VPS13D: variants seen among roughly 807,000 people sequenced by gnomAD.
The protein encoded by VPS13D is intermembrane lipid transfer protein VPS13D.
A neutral mutation model predicts 461.9 loss-of-function variants in VPS13D; 187 were observed. The observed-to-expected ratio is 0.40, with a 90% CI of 0.36 to 0.46. The LOEUF (loss-of-function observed/expected upper bound fraction) is 0.46, where lower values mean the gene tolerates loss of function less well. Ranked by LOEUF, VPS13D falls within the 20% of genes least tolerant of loss-of-function variation. The pLI is 0.60. For missense variants in VPS13D, 4,711 were observed against 5,364.9 expected (o/e 0.88, Z 3.81); for synonymous variants, 1,951 against 1,986.3 (o/e 0.98, Z 0.47).
intron 65 of VPS13D, among the ~76,000 whole-genome samples, chr1:12,420,775 T>C (rs971366246): frequency 3.3e-5 from 5 of 152,178 alleles, no homozygotes; most frequent in African/African-American, 1.2e-4. Context: ...AGATTTGTTT[T>C]TAACATTTAT....
intron 37 of VPS13D, among the ~76,000 whole-genome samples, chr1:12,330,661 A>G (rs1375898264): frequency 6.6e-6 from 1 of 151,842 alleles, no homozygotes; most frequent in Non-Finnish European, 1.5e-5. Context: ...TCTGCCTCCA[A>G]GTTCAAGTGA....
intron 2 of VPS13D, among the ~76,000 whole-genome samples, chr1:12,241,936 T>C (rs1640389202): frequency 6.6e-6 from 1 of 152,134 alleles, no homozygotes. Flanking sequence ...CCCAGGAGCC[T>C]GCATTTCATC....
At chr1:12,346,541 T>C (rs1643680563) in intron 43 of VPS13D, 64 bp from the exon 44 acceptor site, 1 of 1,545,178 alleles carries the variant, frequency 6.5e-7, no homozygotes, top group Admixed American at 1.8e-5. Context: ...TATGTTGTCA[T>C]TGAATTTAAC....
intron 27 of VPS13D, among the ~76,000 whole-genome samples, chr1:12,309,796 G>T (rs1333836267): frequency 3.3e-5 from 5 of 151,318 alleles, no homozygotes; most frequent in Non-Finnish European, 7.4e-5. Context: ...AGAAAAACAG[G>T]TTTATTATTT....
At position 12,416,600 on chromosome 1, in the gene VPS13D, G is replaced by T. The variant is rs1246683797; in HGVS notation, c.12166-60G>T. The T allele has an allele frequency of 6.5e-5, 100 of 1,538,030 alleles. 2 individuals carry two copies. In the South Asian group the frequency reaches 8.6e-4, roughly 13 times the overall value. ...TTCTAAGCTCTTCGCTTGGGACACTGGTATCTGCAAATATAAGTAGATGCT... is the reference window on the plus strand; with the variant it reads ...TTCTAAGCTCTTCGCTTGGGACACTTGTATCTGCAAATATAAGTAGATGCT... On this transcript the variant is annotated intron_variant, in intron 64 of 69. Coordinates refer to ENST00000620676, the MANE Select transcript of VPS13D (RefSeq NM_015378.4).
chr1:12,469,708 A>T (rs960581938), intron 67 of VPS13D, among the ~76,000 whole-genome samples: 2 of 152,194 alleles, frequency 1.3e-5, no homozygotes, highest in African/African-American at 4.8e-5. Context: ...CCTGACTTTT[A>T]CTGGGTTTCT....
chr1:12,353,508 G>A (rs1336014882), intron 46 of VPS13D, among the ~76,000 whole-genome samples: 2 of 146,602 alleles, frequency 1.4e-5, no homozygotes, highest in Non-Finnish European at 3.0e-5. Flanking sequence ...ACTCCAGCCT[G>A]GGTGACAGAG....
intron 53 of VPS13D, among the ~76,000 whole-genome samples, chr1:12,368,884 G>A (rs1051300053): frequency 1.3e-5 from 2 of 152,142 alleles, no homozygotes; most frequent in East Asian, 1.9e-4. Flanking sequence ...TAGACATCCC[G>A]TTCAAACAGA....
intron 46 of VPS13D, among the ~76,000 whole-genome samples, chr1:12,353,197 A>G (rs966899887): frequency 2.0e-5 from 3 of 152,120 alleles, no homozygotes; most frequent in African/African-American, 7.2e-5. Flanking sequence ...AAGAGGATGT[A>G]TAGAACAACA....
In VPS13D at chr1:12,495,371, G is replaced by C. The variant is rs1645943402; in HGVS notation, c.12663-2129G>C. On this transcript the variant is annotated intron_variant, in intron 67 of 69. Coordinates refer to ENST00000620676, the MANE Select transcript of VPS13D (RefSeq NM_015378.4). The surrounding 1 kb of genome is among the most constrained non-coding windows in gnomAD (Gnocchi z 4.0). ...TTTTTAGTTTCACCGTGTTAGCCAG[G>C]ATGATCTTGATCTCCTGACCCTGTG... Among the ~76,000 whole-genome samples the C allele has an allele frequency of 6.6e-6, 1 of 152,048 alleles. No homozygotes were observed. The highest frequency in any genetic ancestry group is 1.5e-5 in the Non-Finnish European group (1 of 68,004).
intron 46 of VPS13D, 47 bp downstream of exon 46, chr1:12,349,421 T>C (rs940699220): frequency 2.6e-6 from 4 of 1,547,052 alleles, no homozygotes; most frequent in East Asian, 2.2e-5. Context: ...CTTTTTTTTT[T>C]CTTTTGGAAT....
rs1196517736 is a variant in VPS13D, at chr1:12,368,552, T to A, written c.10533T>A (p.Asp3511Glu). 1 of 1,613,804 alleles carries A rather than the reference T, an allele frequency of 6.2e-7. No individual in the cohort carries two copies. Among genetic ancestry groups the A allele is most frequent in the South Asian group, 1.1e-5 (1 of 91,010 alleles). Residue 3511 changes from aspartate (D) to glutamate (E), a missense_variant, in exon 53 of 70, where the codon GAT becomes GAA. Physicochemically the swap from Asp to Glu is conservative, Grantham distance 45. Coordinates refer to ENST00000620676, the MANE Select transcript of VPS13D (RefSeq NM_015378.4). ...ATAGGATCTCATTTAGTGACACAGA[T>A]CAGTTACCTCCTCCTTTCCGAATTG... is the stretch of plus-strand genomic sequence containing the variant. ...ATYRISFSDTDQLPPPFRIDN... is the reference protein window; with the variant it reads ...ATYRISFSDTEQLPPPFRIDN...
rs1642369977 is a variant in VPS13D, at chr1:12,299,825, T to A, written c.6216+441T>A. ...AGGACGTGATTGGCCCGTGGTTTAC[T>A]TGAAGCCATTTAAAAATGTCTTAAT... On this transcript the variant is annotated intron_variant, in intron 25 of 69. Coordinates refer to ENST00000620676, the MANE Select transcript of VPS13D (RefSeq NM_015378.4). This position sits in a 1 kb window ranked among gnomAD's most constrained non-coding sequence, Gnocchi z 4.2. Among the ~76,000 whole-genome samples the A allele has an allele frequency of 6.6e-6, 1 of 152,138 alleles. No homozygotes were observed. Among genetic ancestry groups the A allele is most frequent in the African/African-American group, 2.4e-5 (1 of 41,438 alleles).
At chr1:12,231,072 C>A (rs2101161599) in intron 1 of VPS13D, among the ~76,000 whole-genome samples, 1 of 152,310 alleles carries the variant, frequency 6.6e-6, no homozygotes, top group East Asian at 1.9e-4. Context: ...CCAGTCCTTC[C>A]TATTCCCGGT....
chr1:12,431,070 A>G (rs776643641), intron 65 of VPS13D, among the ~76,000 whole-genome samples: 30 of 152,250 alleles, frequency 2.0e-4, no homozygotes, highest in Non-Finnish European at 4.0e-4. Flanking sequence ...AAAACATAAC[A>G]GTGAACTGTG....
At chr1:12,481,741 A>T (rs1486528375) in intron 67 of VPS13D, among the ~76,000 whole-genome samples, 1 of 152,234 alleles carries the variant, frequency 6.6e-6, no homozygotes, top group Non-Finnish European at 1.5e-5. Context: ...GTTCACCCTG[A>T]TGAGAATCAG....
intron 5 of VPS13D, among the ~76,000 whole-genome samples, chr1:12,247,458 C>T (rs1640589640): frequency 6.6e-6 from 1 of 150,590 alleles, no homozygotes. Context: ...ATAGCATTCT[C>T]TCTAACACCA....
chr1:12,456,720 C>T (rs1199576256), intron 66 of VPS13D, among the ~76,000 whole-genome samples: 1 of 151,098 alleles, frequency 6.6e-6, no homozygotes. Flanking sequence ...TCCAAGCTCT[C>T]TTACTTTATC....
intron 30 of VPS13D, among the ~76,000 whole-genome samples, chr1:12,315,250 A>C (rs1247994982): frequency 6.6e-6 from 1 of 152,224 alleles, no homozygotes; most frequent in Non-Finnish European, 1.5e-5. Flanking sequence ...GTGTTTAAGC[A>C]AAAAACAGAA....
Sources: gnomAD v4.1 joint callset for allele counts (sites outside exome capture counted in the v4.1 genomes callset) on GRCh38, gnomAD v4.1.1 for gene constraint, Gnocchi (gnomAD v3.1) non-coding constraint, MANE v1.5 for transcripts, NCBI Gene and HGNC (gene_info 2026-07-23, HGNC 2026-07-21) for gene names.